Variants in HNF4G observed in about 807,000 individuals in gnomAD.
HNF4G encodes hepatocyte nuclear factor 4 gamma.
HNF4G carries 21 observed loss-of-function variants against 50.9 expected under a neutral mutation model. The observed-to-expected ratio is 0.41, with a 90% CI of 0.29 to 0.59. The LOEUF is 0.59. HNF4G is among the 20% of genes least tolerant of loss of function. The pLI is 0.26. For missense variants in HNF4G, 527 were observed against 559.4 expected (o/e 0.94, Z 0.58); for synonymous variants, 198 against 185.6 (o/e 1.07, Z -0.54).
chr8:75,485,474 G>C (rs1812478066), intron 1 of HNF4G, among the ~76,000 whole-genome samples: 2 of 152,000 alleles, frequency 1.3e-5, no homozygotes, highest in African/African-American at 4.8e-5. Flanking sequence ...AAAAACTGCA[G>C]AATAAGTAGC....
At chr8:75,534,070 G>T (rs958983986) in intron 2 of HNF4G, among the ~76,000 whole-genome samples, 5 of 151,788 alleles carry the variant, frequency 3.3e-5, no homozygotes, top group African/African-American at 4.8e-5. Context: ...TTTGCAATAG[G>T]TACTGGCCCA....
chr8:75,422,911 G>A (rs1237965340), intron 1 of HNF4G, among the ~76,000 whole-genome samples: 1 of 152,064 alleles, frequency 6.6e-6, no homozygotes, highest in Non-Finnish European at 1.5e-5. Context: ...TGCTTTATCA[G>A]CATTAATTCA....
chr8:75,465,714 A>G (rs563092812), intron 1 of HNF4G, among the ~76,000 whole-genome samples: 2 of 152,194 alleles, frequency 1.3e-5, no homozygotes, highest in Non-Finnish European at 2.9e-5. Flanking sequence ...AATAAGAACA[A>G]GAAAGTGAAA....
At chr8:75,420,610 C>T (rs936389353) in intron 1 of HNF4G, among the ~76,000 whole-genome samples, 1 of 152,192 alleles carries the variant, frequency 6.6e-6, no homozygotes, top group African/African-American at 2.4e-5. Flanking sequence ...CCCCGATCTC[C>T]CACACATAAA....
chr8:75,563,788 G>A (rs1405129653), intron 9 of HNF4G, among the ~76,000 whole-genome samples, 187 bp from the exon 10 acceptor site: 3 of 152,106 alleles, frequency 2.0e-5, no homozygotes. Context: ...TATTTGGAAA[G>A]TAAGGTGAGA....
At chr8:75,452,775 A>G (rs1333973665) in intron 1 of HNF4G, among the ~76,000 whole-genome samples, 2 of 152,156 alleles carry the variant, frequency 1.3e-5, no homozygotes, top group African/African-American at 4.8e-5. Context: ...TGTTTGAGCC[A>G]TGATTCCACA....
At chr8:75,471,429 G>A (rs1178513239) in intron 1 of HNF4G, among the ~76,000 whole-genome samples, 1 of 152,028 alleles carries the variant, frequency 6.6e-6, no homozygotes, top group African/African-American at 2.4e-5. Flanking sequence ...AATATAAAAT[G>A]TCATCTTCAA....
intron 8 of HNF4G, among the ~76,000 whole-genome samples, chr8:75,559,297 C>CA (rs1439234325): frequency 6.8e-6 from 1 of 146,912 alleles, no homozygotes; most frequent in Non-Finnish European, 1.5e-5. Flanking sequence ...TTTTTTAAGA[C>CA]AGAGTCTCGC....
chr8:75,430,473 G>GGAGAGAGAGAGA (rs1284776832), intron 1 of HNF4G, among the ~76,000 whole-genome samples: 7 of 112,900 alleles, frequency 6.2e-5, no homozygotes, highest in African/African-American at 2.5e-4. Context: ...GGGGTAGGGA[G>GGAGAGAGAGAGA]TAGAGAGAGA....
chr8:75,417,916 C>T (rs4606034), intron 1 of HNF4G, among the ~76,000 whole-genome samples: 9,092 of 151,466 alleles, frequency 0.06, 340 homozygotes, highest in Non-Finnish European at 0.08. Context: ...TAGTTTTGCA[C>T]GATAAATTTT....
chr8:75,437,126 A>G (rs996158183), intron 1 of HNF4G, among the ~76,000 whole-genome samples: 2 of 152,218 alleles, frequency 1.3e-5, no homozygotes, highest in Admixed American at 1.3e-4. Flanking sequence ...AAGCTGGGAG[A>G]AAATATTTGC....
intron 2 of HNF4G, among the ~76,000 whole-genome samples, chr8:75,526,557 A>G (rs113068514): frequency 0.037 from 5,668 of 151,572 alleles, 135 homozygotes; most frequent in South Asian, 0.061. Context: ...TTTTTGAGAC[A>G]GGGTCTTGCT....
At chr8:75,496,719 A>C (rs1284853728) in intron 2 of HNF4G, among the ~76,000 whole-genome samples, 3 of 152,086 alleles carry the variant, frequency 2.0e-5, no homozygotes, top group African/African-American at 7.2e-5. Flanking sequence ...TAATAAGACT[A>C]TAACCAGACA....
chr8:75,506,847 TCAACAACAACAA>T (rs35739290), intron 2 of HNF4G, among the ~76,000 whole-genome samples: 3 of 151,148 alleles, frequency 2.0e-5, no homozygotes, highest in South Asian at 2.1e-4. Context: ...TGGCAGATCA[TCAACAACAACAA>T]CAACAACAAC....
intron 1 of HNF4G, among the ~76,000 whole-genome samples, chr8:75,423,495 T>C (rs1274004737): frequency 1.3e-5 from 2 of 151,082 alleles, no homozygotes; most frequent in Admixed American, 6.6e-5. Flanking sequence ...TTCATGCCAT[T>C]CTCCTGCCTC....
intron 1 of HNF4G, among the ~76,000 whole-genome samples, chr8:75,417,670 T>C (rs1810673927): frequency 6.6e-6 from 1 of 152,222 alleles, no homozygotes; most frequent in African/African-American, 2.4e-5. Flanking sequence ...ATGAAGCATA[T>C]GAATGATTTC....
chr8:75,535,661 A>C (rs902964905), upstream of HNF4G, among the ~76,000 whole-genome samples: 1 of 151,866 alleles, frequency 6.6e-6, no homozygotes, highest in Admixed American at 6.6e-5. Context: ...AATTTTCTTA[A>C]CTCTATTTTA....
intron 2 of HNF4G, among the ~76,000 whole-genome samples, chr8:75,503,702 A>G (rs181107533): frequency 3.9e-5 from 6 of 152,328 alleles, no homozygotes; most frequent in Admixed American, 3.9e-4. Context: ...TCTGACAAAG[A>G]GGAGTGGAGT....
At chr8:75,493,882 T>C (rs1812691929) in intron 2 of HNF4G, among the ~76,000 whole-genome samples, 1 of 152,284 alleles carries the variant, frequency 6.6e-6, no homozygotes, top group Non-Finnish European at 1.5e-5. Context: ...CAATTGGGGG[T>C]ACATTTTCTT....
Sources: gnomAD v4.1 joint callset for allele counts (sites outside exome capture counted in the v4.1 genomes callset) on GRCh38, gnomAD v4.1.1 for gene constraint, MANE v1.5 for transcripts, NCBI Gene and HGNC (gene_info 2026-07-23, HGNC 2026-07-21) for gene names.